The following WNT6 variants were observed in gnomAD, a reference collection of about 807,000 sequenced individuals.
The protein encoded by WNT6 is protein Wnt-6.
A neutral mutation model predicts 33.1 loss-of-function variants in WNT6; 27 were observed. The ratio of observed to expected loss-of-function variants is 0.82; its 90% CI spans 0.60 to 1.12. The LOEUF (loss-of-function observed/expected upper bound fraction) is 1.12. WNT6 is among the 50% of genes most tolerant of loss of function. The probability of loss-of-function intolerance (pLI) is 0.00; values close to 1 mark genes in which losing one functional copy is unlikely to be tolerated. For missense variants in WNT6, 494 were observed against 535.3 expected (o/e 0.92, Z 0.76); for synonymous variants, 249 against 242.8 (o/e 1.03, Z -0.24).
intron 1 of WNT6, among the ~76,000 whole-genome samples, chr2:218,865,223 T>C (rs1014126579): frequency 1.3e-5 from 2 of 152,188 alleles, no homozygotes; most frequent in Non-Finnish European, 2.9e-5. Context: ...GTGGAGGGGA[T>C]GAGGCGAGGG....
intron 3 of WNT6, among the ~76,000 whole-genome samples, chr2:218,872,543 G>T (rs555830408): frequency 6.6e-6 from 1 of 152,300 alleles, no homozygotes; most frequent in South Asian, 2.1e-4. Context: ...CAAGAAGGTT[G>T]TCTGGGTGTG....
chr2:218,873,776 C>A lies in WNT6; in HGVS notation c.1029C>A (p.Arg343=). 6.3e-7 allele frequency: 1 copy of A among 1,587,732 alleles called. No individual in the cohort carries two copies. The highest frequency in any genetic ancestry group is 1.1e-5 in the South Asian group (1 of 88,432). The change falls in exon 4 of 4, where the codon CGC becomes CGA. Residue 343 remains arginine, a synonymous_variant. Transcript: ENST00000233948. This position sits in a 1 kb window ranked among gnomAD's most constrained non-coding sequence, Gnocchi z 6.1. ...AGCTCGAAGAGAACTGCCTGTGCCG[C>A]TTCCACTGGTGCTGCGTAGTACAGT... The part of the protein sequence containing the change: ...SVQLEENCLC[R]FHWCCVVQCH...
Position 218,859,980 on chromosome 2 carries a change from C to A in WNT6, c.-58C>A, listed in dbSNP as rs1372690341. Reference sequence around the variant, plus strand: ...CACTGAAGCCCGGGCCCTCGCGCGCCGCGGTTCGCCCCGCAGCCTCGCCCC... The same window carrying A: ...CACTGAAGCCCGGGCCCTCGCGCGCAGCGGTTCGCCCCGCAGCCTCGCCCC... On this transcript the variant is annotated 5_prime_UTR_variant, in exon 1 of 4. Transcript: ENST00000233948. 4 of 1,273,694 alleles carry A rather than the reference C, an allele frequency of 3.1e-6. No individual in the cohort carries two copies. Among genetic ancestry groups the A allele is most frequent in the Non-Finnish European group, 3.0e-6 (3 of 1,005,262 alleles). The allele number at this position is 1,273,694 out of a possible 1,614,324, so 78.9% of individuals were successfully genotyped here.
intron 1 of WNT6, among the ~76,000 whole-genome samples, chr2:218,868,175 C>T (rs73993327): frequency 0.02 from 2,982 of 152,214 alleles, 85 homozygotes; most frequent in African/African-American, 0.064. Context: ...GCCTGGGGAG[C>T]CAGACCCAGA....
At chr2:218,860,832 C>G (rs1944301530) in intron 1 of WNT6, among the ~76,000 whole-genome samples, 1 of 150,334 alleles carries the variant, frequency 6.7e-6, no homozygotes, top group Non-Finnish European at 1.5e-5. Flanking sequence ...CAGGCTTGGC[C>G]CTAGCTAGAA....
chr2:218,863,816 C>T (rs1005348311), intron 1 of WNT6, among the ~76,000 whole-genome samples: 1 of 152,210 alleles, frequency 6.6e-6, no homozygotes, highest in Non-Finnish European at 1.5e-5. Flanking sequence ...TGCCACTGCA[C>T]TCCAGCCTGG....
Position 218,871,155 on chromosome 2 carries a change from G to C in WNT6, c.209G>C (p.Arg70Pro), listed in dbSNP as rs769072287. Reference sequence around the variant, plus strand: ...GTGGCAGAGCTAGCTCGGGGCGCCCGGCTCGGGGTGCGAGAGTGCCAGTTC... The same window carrying C: ...GTGGCAGAGCTAGCTCGGGGCGCCCCGCTCGGGGTGCGAGAGTGCCAGTTC... ...EVVAELARGARLGVRECQFQF... is the reference protein window; with the variant it reads ...EVVAELARGAPLGVRECQFQF... Residue 70 changes from arginine (R) to proline (P), a missense_variant, in exon 2 of 4, where the codon CGG becomes CCG. Arg to Pro is a moderately radical substitution (Grantham distance 103). Coordinates refer to ENST00000233948, the MANE Select transcript of WNT6 (RefSeq NM_006522.4). This position sits in a 1 kb window ranked among gnomAD's most constrained non-coding sequence, Gnocchi z 6.4. The C allele has an allele frequency of 6.2e-7, 1 of 1,613,780 alleles. No individual in the cohort carries two copies. Among genetic ancestry groups the C allele is most frequent in the Non-Finnish European group, 8.5e-7 (1 of 1,179,938 alleles).
intron 1 of WNT6, among the ~76,000 whole-genome samples, chr2:218,860,606 T>A (rs979647108): frequency 1.3e-5 from 2 of 151,988 alleles, no homozygotes; most frequent in Admixed American, 1.3e-4. Flanking sequence ...AGAGGGAATA[T>A]AAAGGGGAAA....
chr2:218,872,676 G>T (rs1944413411), intron 3 of WNT6, among the ~76,000 whole-genome samples: 1 of 152,146 alleles, frequency 6.6e-6, no homozygotes, highest in South Asian at 2.1e-4. Flanking sequence ...TCAGCGCTTG[G>T]TGGGTTTGGG....
Position 218,860,090 on chromosome 2 carries a change from G to T in WNT6, c.53G>T (p.Cys18Phe). ...RLGLLLLLLL[C>F]PAHVGGLWWA... is the part of the protein sequence containing the mutation. The stretch of plus-strand genomic sequence containing the variant: ...GGGCTGCTGCTGCTGCTGCTCCTGT[G>T]CCCGGCGCACGTCGGCGGACTGTGG... Residue 18 changes from cysteine (C) to phenylalanine (F), a missense_variant, in exon 1 of 4, where the codon TGC becomes TTC. Physicochemically the swap from Cys to Phe is radical, Grantham distance 205. Coordinates refer to ENST00000233948, the MANE Select transcript of WNT6 (RefSeq NM_006522.4). 1 of 1,526,894 alleles carries T rather than the reference G, an allele frequency of 6.5e-7. No individual in the cohort carries two copies. Among genetic ancestry groups the T allele is most frequent in the African/African-American group, 1.4e-5 (1 of 71,848 alleles). The allele number at this position is 1,526,894 out of a possible 1,614,324, so 94.6% of individuals were successfully genotyped here.
chr2:218,864,117 AC>A (rs1944333276), intron 1 of WNT6, among the ~76,000 whole-genome samples: 2 of 151,996 alleles, frequency 1.3e-5, no homozygotes, highest in Non-Finnish European at 2.9e-5. Context: ...GGCCTTGCCC[AC>A]CCCCAGGAAG....
chr2:218,860,789 G>GGCCT (rs1944301140), intron 1 of WNT6, among the ~76,000 whole-genome samples: 1 of 151,962 alleles, frequency 6.6e-6, no homozygotes, highest in Non-Finnish European at 1.5e-5. Context: ...AAGGGAGAGG[G>GGCCT]GCCTGGCCAG....
intron 1 of WNT6, among the ~76,000 whole-genome samples, chr2:218,863,507 T>C (rs1944328422): frequency 6.6e-6 from 1 of 152,174 alleles, no homozygotes; most frequent in Non-Finnish European, 1.5e-5. Flanking sequence ...CTCTCCCACC[T>C]TCTTTTTCAC....
chr2:218,861,864 A>G (rs1232411274), intron 1 of WNT6, among the ~76,000 whole-genome samples: 17 of 152,220 alleles, frequency 1.1e-4, no homozygotes, highest in African/African-American at 4.1e-4. Flanking sequence ...TATGCTGGTT[A>G]CTGCATTTGG....
At chr2:218,872,811 G>T (rs1031716077) in intron 3 of WNT6, among the ~76,000 whole-genome samples, 2 of 152,056 alleles carry the variant, frequency 1.3e-5, no homozygotes, top group Non-Finnish European at 2.9e-5. Flanking sequence ...CAGGGACATC[G>T]CCATACATAC....
rs1034279872 is a variant in WNT6 at position 218,874,046 on chromosome 2, C to G, written c.*201C>G. On this transcript the variant is annotated 3_prime_UTR_variant, in exon 4 of 4. Transcript: ENST00000233948. Reference sequence around the variant, plus strand: ...GAAGGCCCAGGGCGCCAGACGGCCCCGAAAAGGCGCTCGGGGAGCGTTTAA... The same window carrying G: ...GAAGGCCCAGGGCGCCAGACGGCCCGGAAAAGGCGCTCGGGGAGCGTTTAA... 5.1e-6 allele frequency: 3 copies of G among 588,168 alleles called. No individual in the cohort carries two copies. The highest frequency in any genetic ancestry group is 5.6e-6 in the Non-Finnish European group (2 of 359,604). 36.4% of individuals were successfully genotyped at this position (588,168 alleles called of 1,614,324 possible).
chr2:218,861,221 C>T (rs1944307811), intron 1 of WNT6, among the ~76,000 whole-genome samples: 1 of 152,136 alleles, frequency 6.6e-6, no homozygotes, highest in Non-Finnish European at 1.5e-5. Flanking sequence ...GGGCAGCAAT[C>T]CCTACTCCGT....
At position 218,871,446 on chromosome 2, in the gene WNT6, G is replaced by A. The variant is rs1291910218; in HGVS notation, c.302-39G>A. On this transcript the variant is annotated intron_variant, in intron 2 of 3. Transcript: ENST00000233948. The surrounding 1 kb of genome is among the most constrained non-coding windows in gnomAD (Gnocchi z 6.4). Reference sequence around the variant, plus strand: ...TTCAGGTCCCAGGCCCCAGCTGACCGCCCCAGCCCGCGCTGATTGCACCTG... The same window carrying A: ...TTCAGGTCCCAGGCCCCAGCTGACCACCCCAGCCCGCGCTGATTGCACCTG... 1.3e-6 allele frequency: 2 copies of A among 1,586,170 alleles called. No individual in the cohort carries two copies. Among genetic ancestry groups the A allele is most frequent in the East Asian group, 2.2e-5 (1 of 44,668 alleles).
At chr2:218,862,998 C>G (rs1192526750) in intron 1 of WNT6, among the ~76,000 whole-genome samples, 1 of 152,206 alleles carries the variant, frequency 6.6e-6, no homozygotes, top group Non-Finnish European at 1.5e-5. Context: ...AGCCATTGTG[C>G]CTGGTCACTT....
Sources: gnomAD v4.1 joint callset for allele counts (sites outside exome capture counted in the v4.1 genomes callset) on GRCh38, gnomAD v4.1.1 for gene constraint, Gnocchi (gnomAD v3.1) non-coding constraint, MANE v1.5 for transcripts, NCBI Gene and HGNC (gene_info 2026-07-23, HGNC 2026-07-21) for gene names.